The following ZSCAN18 variants were observed in gnomAD, a reference collection of about 807,000 sequenced individuals.
The protein encoded by ZSCAN18 is zinc finger and SCAN domain-containing protein 18.
A neutral mutation model predicts 31.1 loss-of-function variants in ZSCAN18; 16 were observed. The observed-to-expected ratio is 0.51, with a 90% CI of 0.35 to 0.78. The LOEUF is 0.78. Ranked by LOEUF, ZSCAN18 falls within the 30% of genes least tolerant of loss-of-function variation. ZSCAN18 has a pLI of 0.01. For missense variants in ZSCAN18, 731 were observed against 697.4 expected (o/e 1.05, Z -0.54); for synonymous variants, 375 against 320.7 (o/e 1.17, Z -1.81).
rs532123669 is a variant in ZSCAN18 at position 58,107,972 on chromosome 19, G to A, written c.130+10295C>T. 1,237 of 1,052,736 alleles carry A rather than the reference G, an allele frequency of 1.2e-3. 1 individual carries two copies. The highest frequency in any genetic ancestry group is 1.3e-3 in the Non-Finnish European group (1,153 of 858,708). The allele number at this position is 1,052,736 out of a possible 1,614,324, so 65.2% of individuals were successfully genotyped here. A position where few individuals can be genotyped will look rare whatever the true frequency, so the allele number is the denominator to read the frequency against. On this transcript the variant is annotated intron_variant, in intron 1 of 1. Transcript: ENST00000595721. ...TCCTCTGGTGCCAGATGAGGCCCGCGATGTTCCTGAAAAGTTTGACACTGG... is the reference window on the plus strand; with the variant it reads ...TCCTCTGGTGCCAGATGAGGCCCGCAATGTTCCTGAAAAGTTTGACACTGG...
At chr19:58,094,366 G>A (rs536072366) in intron 1 of ZSCAN18, among the ~76,000 whole-genome samples, 38 of 150,908 alleles carry the variant, frequency 2.5e-4, no homozygotes, top group African/African-American at 9.3e-4. Flanking sequence ...AGCCGAGATC[G>A]CGCCACTGCA....
At position 58,090,740 on chromosome 19, in the gene ZSCAN18, C is replaced by G. The variant is rs1463601933; in HGVS notation, c.-119-354G>C. On this transcript the variant is annotated intron_variant, in intron 1 of 6. Transcript: ENST00000601144. This position sits in a 1 kb window ranked among gnomAD's most constrained non-coding sequence, Gnocchi z 4.7. ...CAGTAGCTGGAATTACAAGCATGCACCACCACACCCAGCTACTTTTTGTAT... is the reference window on the plus strand; with the variant it reads ...CAGTAGCTGGAATTACAAGCATGCAGCACCACACCCAGCTACTTTTTGTAT... 5.7e-6 allele frequency: 1 copy of G among 175,722 alleles called. No individual in the cohort carries two copies. Among genetic ancestry groups the G allele is most frequent in the Non-Finnish European group, 1.2e-5 (1 of 83,736 alleles). 10.9% of individuals were successfully genotyped at this position (175,722 alleles called of 1,614,324 possible). A position where few individuals can be genotyped will look rare whatever the true frequency, so the allele number is the denominator to read the frequency against.
intron 1 of ZSCAN18, chr19:58,093,354 G>T (rs1180310278): frequency 1.3e-5 from 2 of 152,334 alleles, no homozygotes; most frequent in Non-Finnish European, 2.9e-5. Flanking sequence ...TTTGTTTTTG[G>T]CAGTTGTGGA....
chr19:58,112,076 C>A (rs1023440473), intron 1 of ZSCAN18, among the ~76,000 whole-genome samples: 1 of 151,944 alleles, frequency 6.6e-6, no homozygotes, highest in African/African-American at 2.4e-5. Context: ...ACTCTGTGAC[C>A]CAGGCTGGAG....
chr19:58,084,622 A>G lies in ZSCAN18; in HGVS notation c.*63T>C. The G allele has an allele frequency of 4.3e-6, 6 of 1,404,414 alleles. No homozygotes were observed. The highest frequency in any genetic ancestry group is 5.6e-6 in the Non-Finnish European group (6 of 1,074,840). The allele number at this position is 1,404,414 out of a possible 1,614,324, so 87.0% of individuals were successfully genotyped here. ...GCCACCCAGGGGCGTGGAAAGGCCCAATGCCTCGTCTGGGATTCACGGCCG... is the reference window on the plus strand; with the variant it reads ...GCCACCCAGGGGCGTGGAAAGGCCCGATGCCTCGTCTGGGATTCACGGCCG... On this transcript the variant is annotated 3_prime_UTR_variant, in exon 7 of 7. Transcript: ENST00000601144. The surrounding 1 kb of genome is among the most constrained non-coding windows in gnomAD (Gnocchi z 4.5).
chr19:58,106,565 G>A (rs2074635567), intron 1 of ZSCAN18, among the ~76,000 whole-genome samples: 1 of 44,026 alleles, frequency 2.3e-5, no homozygotes, highest in African/African-American at 5.8e-5. Context: ...TTAGCCGGGC[G>A]TAGTGGCGGG....
intron 3 of ZSCAN18, chr19:58,088,393 T>C (rs35358425): frequency 0.18 from 59,242 of 326,106 alleles, 6,110 homozygotes; most frequent in Middle Eastern, 0.25. Context: ...TCAGGACACT[T>C]GAGACCCTTT....
At chr19:58,085,432 G>A in intron 6 of ZSCAN18, 53 bp from the exon 7 acceptor site, 1 of 1,458,706 alleles carries the variant, frequency 6.9e-7, no homozygotes, top group Non-Finnish European at 9.1e-7. Context: ...GCCAGGGAGA[G>A]GAGGACCCAG....
At chr19:58,112,718 G>C (rs145439945) in intron 1 of ZSCAN18, among the ~76,000 whole-genome samples, 8,362 of 151,570 alleles carry the variant, frequency 0.055, 297 homozygotes, top group Non-Finnish European at 0.079. Flanking sequence ...AGGAGGCCGA[G>C]GGGGGCAGAT....
chr19:58,114,484 GACAT>G (rs994061458), intron 1 of ZSCAN18, among the ~76,000 whole-genome samples: 17 of 151,678 alleles, frequency 1.1e-4, no homozygotes, highest in Non-Finnish European at 1.6e-4. Flanking sequence ...TATACATGTA[GACAT>G]ACATATACTT....
chr19:58,114,575 C>A, intron 1 of ZSCAN18, among the ~76,000 whole-genome samples: 1 of 151,942 alleles, frequency 6.6e-6, no homozygotes, highest in Non-Finnish European at 1.5e-5. Context: ...ACACAATATA[C>A]ACATACATAT....
In ZSCAN18 at chr19:58,090,526, A is replaced by T; in HGVS notation, c.-119-140T>A. On this transcript the variant is annotated intron_variant, in intron 1 of 6. Coordinates refer to ENST00000601144, the MANE Select transcript of ZSCAN18 (RefSeq NM_001145543.2). The surrounding 1 kb of genome is among the most constrained non-coding windows in gnomAD (Gnocchi z 4.7). ...GCTTGTTAGGCATCAGTAGAACCTC[A>T]GTGTTGTACTCATGTAGATAAAAAG... 1.5e-6 allele frequency: 1 copy of T among 683,230 alleles called. No individual in the cohort carries two copies. Among genetic ancestry groups the T allele is most frequent in the Non-Finnish European group, 2.4e-6 (1 of 418,378 alleles). 42.3% of individuals were successfully genotyped at this position (683,230 alleles called of 1,614,324 possible).
chr19:58,084,714 G>C lies in ZSCAN18; in HGVS notation c.1504C>G (p.Pro502Ala), dbSNP rs753113170. ...CTCTGCGCCTCTGGGGGTGCGGGGG[G>C]AGCCTCGCCCTCCACGCTCTCTGGG... ...GPPESVEGEA[P>A]PAPPEAQR Residue 502 changes from proline to alanine, a missense_variant, in exon 7 of 7, where the codon CCC becomes GCC. Pro to Ala is a conservative substitution (Grantham distance 27). Coordinates refer to ENST00000601144, the MANE Select transcript of ZSCAN18 (RefSeq NM_001145543.2). This position sits in a 1 kb window ranked among gnomAD's most constrained non-coding sequence, Gnocchi z 4.5. The C allele has an allele frequency of 2.7e-6, 4 of 1,507,378 alleles. No homozygotes were observed. In the Admixed American group the frequency reaches 6.6e-5, roughly 25 times the overall value. The allele number at this position is 1,507,378 out of a possible 1,614,324, so 93.4% of individuals were successfully genotyped here.
rs1214357793 is a variant in ZSCAN18, at chr19:58,088,764, A to G, written c.477T>C (p.Pro159=). The G allele has an allele frequency of 3.1e-6, 5 of 1,610,986 alleles. No homozygotes were observed. The highest frequency in any genetic ancestry group is 4.2e-6 in the Non-Finnish European group (5 of 1,179,992). Residue 159 remains proline, a synonymous_variant, in exon 3 of 7, where the codon CCT becomes CCC. Coordinates refer to ENST00000601144, the MANE Select transcript of ZSCAN18 (RefSeq NM_001145543.2). ...TCGCGAGCTCGCCTGGTAGCAGCAG[A>G]GGGTCCATGTGCCTCTCGTACACTC... ...SDGVYERHMD[P]LLLPGELASP... is the part of the protein sequence containing the mutation.
intron 1 of ZSCAN18, among the ~76,000 whole-genome samples, chr19:58,105,389 C>G (rs1288594594): frequency 6.6e-6 from 1 of 152,172 alleles, no homozygotes; most frequent in Non-Finnish European, 1.5e-5. Context: ...TTAGCTGGCC[C>G]AGGCGCAGTG....
chr19:58,100,849 T>C (rs2074587631), upstream of ZSCAN18, among the ~76,000 whole-genome samples: 1 of 151,486 alleles, frequency 6.6e-6, no homozygotes, highest in African/African-American at 2.4e-5. Context: ...CACTCCAGCC[T>C]GGGCAAAAGA....
chr19:58,098,318 G>A, upstream of ZSCAN18: 1 of 985,502 alleles, frequency 1.0e-6, no homozygotes, highest in Non-Finnish European at 1.2e-6. Context: ...ACCGGGGCGA[G>A]CAAGGGAGCC....
chr19:58,091,479 AC>A (rs1260131883), intron 1 of ZSCAN18, among the ~76,000 whole-genome samples: 3 of 140,480 alleles, frequency 2.1e-5, no homozygotes, highest in Non-Finnish European at 4.6e-5. Context: ...GTAGGCTTTG[AC>A]CAAAGCATCC....
rs569885255 is a variant in ZSCAN18 at position 58,089,804 on chromosome 19, G to A, written c.403+61C>T. 94 of 1,532,082 alleles carry A rather than the reference G, an allele frequency of 6.1e-5. No individual in the cohort carries two copies. In the African/African-American group the frequency reaches 1.1e-3, roughly 18 times the overall value. The allele number at this position is 1,532,082 out of a possible 1,614,324, so 94.9% of individuals were successfully genotyped here. ...TCAGGCAAGCCATGGCTGGCACTGG[G>A]GCCTTCCAGGATCCCCTCCCCATCT... On this transcript the variant is annotated intron_variant, in intron 2 of 6. Coordinates refer to ENST00000601144, the MANE Select transcript of ZSCAN18 (RefSeq NM_001145543.2).
Sources: gnomAD v4.1 joint callset for allele counts (sites outside exome capture counted in the v4.1 genomes callset) on GRCh38, gnomAD v4.1.1 for gene constraint, Gnocchi (gnomAD v3.1) non-coding constraint, MANE v1.5 for transcripts, NCBI Gene and HGNC (gene_info 2026-07-23, HGNC 2026-07-21) for gene names.